Variants in ANKS1B observed in about 807,000 individuals in gnomAD.
The protein encoded by ANKS1B is ankyrin repeat and sterile alpha motif domain-containing protein 1B.
In ANKS1B, 36 loss-of-function variants were observed where a neutral mutation model predicts 148.3. The observed-to-expected ratio is 0.24, with a 90% CI of 0.19 to 0.32. The LOEUF is 0.32. Ranked by LOEUF, ANKS1B falls within the 10% of genes least tolerant of loss-of-function variation. ANKS1B has a pLI of 1.00. For synonymous variants in ANKS1B, 542 were observed against 560.8 expected, an observed-to-expected ratio of 0.97 and a Z score of 0.47; for missense variants, 1,157 against 1,542.6, an observed-to-expected ratio of 0.75 and a Z score of 4.19.
At chr12:99,631,415 G>T (rs1234098698) in intron 9 of ANKS1B, among the ~76,000 whole-genome samples, 3 of 152,124 alleles carry the variant, frequency 2.0e-5, no homozygotes, top group African/African-American at 7.2e-5. Flanking sequence ...ATTTGGAGGA[G>T]CAGGCTAGAA....
At chr12:99,371,520 T>A (rs771668928) in intron 12 of ANKS1B, among the ~76,000 whole-genome samples, 3 of 152,000 alleles carry the variant, frequency 2.0e-5, no homozygotes, top group African/African-American at 4.8e-5. Context: ...CCTCTTGGTA[T>A]GTGTCAACTT....
chr12:98,793,278 G>T (rs1366903867), intron 22 of ANKS1B, among the ~76,000 whole-genome samples: 1 of 152,108 alleles, frequency 6.6e-6, no homozygotes, highest in Non-Finnish European at 1.5e-5. Context: ...TTGGCCATTT[G>T]TAAGTCTTCT....
intron 8 of ANKS1B, among the ~76,000 whole-genome samples, chr12:99,692,668 C>CAAA (rs71088139): frequency 0.12 from 15,319 of 128,070 alleles, 1,327 homozygotes; most frequent in East Asian, 0.49. Flanking sequence ...AAGATTCTGT[C>CAAA]AAAAAAAAAA....
At chr12:99,118,718 CAAAG>C (rs2061992839) in intron 15 of ANKS1B, among the ~76,000 whole-genome samples, 1 of 152,112 alleles carries the variant, frequency 6.6e-6, no homozygotes, top group South Asian at 2.1e-4. Flanking sequence ...CACATATACA[CAAAG>C]AAAGGATAGA....
chr12:98,930,100 G>A lies in ANKS1B; in HGVS notation c.2779-97964C>T, dbSNP rs376980638. The stretch of plus-strand genomic sequence containing the variant: ...GTTATAGCTCAACAATAAAAGATAA[G>A]TGACCCAATTTTAAAATGGGCAAAA... On this transcript the variant is annotated intron_variant, in intron 17 of 26. Coordinates refer to ENST00000683438, the MANE Select transcript of ANKS1B (RefSeq NM_001352186.2). 2.6e-5 allele frequency among the ~76,000 whole-genome samples: 4 copies of A among 152,104 alleles called. No individual in the cohort carries two copies. In the East Asian group the frequency reaches 5.8e-4, roughly 22 times the overall value.
chr12:99,907,428 T>C (rs906934864), intron 1 of ANKS1B, among the ~76,000 whole-genome samples: 1 of 152,170 alleles, frequency 6.6e-6, no homozygotes, highest in South Asian at 2.1e-4. Flanking sequence ...AACATCTAAA[T>C]GCATGATCAG....
At chr12:99,540,981 A>T (rs1243208731) in intron 9 of ANKS1B, among the ~76,000 whole-genome samples, 1 of 152,088 alleles carries the variant, frequency 6.6e-6, no homozygotes, top group Non-Finnish European at 1.5e-5. Flanking sequence ...GAAATAAAAA[A>T]GTTTATAAGG....
chr12:99,531,165 A>T (rs542802828), intron 9 of ANKS1B, among the ~76,000 whole-genome samples: 2 of 152,304 alleles, frequency 1.3e-5, no homozygotes, highest in East Asian at 3.9e-4. Flanking sequence ...CCTAAAAACA[A>T]CAGTAATATT....
intron 11 of ANKS1B, among the ~76,000 whole-genome samples, chr12:99,415,714 C>T (rs1461910491): frequency 6.6e-6 from 1 of 152,056 alleles, no homozygotes; most frequent in African/African-American, 2.4e-5. Context: ...GAGGGAGTCT[C>T]GCTCTGCCGC....
chr12:99,703,296 T>A lies in ANKS1B; in HGVS notation c.1129-48086A>T, dbSNP rs111698289. Reference sequence around the variant, plus strand: ...ACTAAAGGGTTTCCTGGGATACAAATGCATTGACTCTGATACTACTGTTGA... The same window carrying A: ...ACTAAAGGGTTTCCTGGGATACAAAAGCATTGACTCTGATACTACTGTTGA... On this transcript the variant is annotated intron_variant, in intron 8 of 26. Transcript: ENST00000683438. 1.3e-3 allele frequency among the ~76,000 whole-genome samples: 197 copies of A among 152,270 alleles called. 4 individuals carry two copies. Among genetic ancestry groups the A allele is most frequent in the Middle Eastern group, 3.4e-3 (1 of 294 alleles).
Position 99,562,014 on chromosome 12 carries a change from G to A in ANKS1B, c.1273-57373C>T, listed in dbSNP as rs117137357. Among the ~76,000 whole-genome samples the A allele has an allele frequency of 9.7e-4, 147 of 152,230 alleles. 5 individuals are homozygous for A. The East Asian group carries it at 0.024, about 25-fold the overall frequency. On this transcript the variant is annotated intron_variant, in intron 9 of 26. Coordinates refer to ENST00000683438, the MANE Select transcript of ANKS1B (RefSeq NM_001352186.2). ...CAGTCTAAGTTAATCCTTGATCCAC[G>A]GGCTTGCAGAATAGATGCTGTGTTC... is the stretch of plus-strand genomic sequence containing the variant.
chr12:99,590,746 T>C (rs12317679), intron 9 of ANKS1B, among the ~76,000 whole-genome samples: 2,132 of 152,316 alleles, frequency 0.014, 58 homozygotes, highest in African/African-American at 0.048. Context: ...ACTGAATTCA[T>C]AGACTCAAAC....
intron 14 of ANKS1B, among the ~76,000 whole-genome samples, chr12:99,239,157 C>G (rs984467341): frequency 1.3e-5 from 2 of 152,090 alleles, no homozygotes; most frequent in African/African-American, 2.4e-5. Flanking sequence ...CTCAAGGAAG[C>G]TAAAAACCCT....
intron 9 of ANKS1B, among the ~76,000 whole-genome samples, chr12:99,590,498 C>T (rs1407072474): frequency 1.3e-5 from 2 of 152,176 alleles, no homozygotes; most frequent in East Asian, 1.9e-4. Flanking sequence ...CTTGCATCCA[C>T]AGCATCTACC....
At chr12:99,749,182 C>T (rs1438104492) in intron 8 of ANKS1B, among the ~76,000 whole-genome samples, 4 of 152,070 alleles carry the variant, frequency 2.6e-5, no homozygotes, top group Non-Finnish European at 2.9e-5. Context: ...GACCTGGATA[C>T]ATAATCCGGG....
At chr12:99,084,686 C>G (rs2153627802) in intron 16 of ANKS1B, among the ~76,000 whole-genome samples, 1 of 152,240 alleles carries the variant, frequency 6.6e-6, no homozygotes, top group South Asian at 2.1e-4. Flanking sequence ...CCATTGCACT[C>G]CAGACTGGGT....
Position 99,246,613 on chromosome 12 carries a change from T to C in ANKS1B, c.2008A>G (p.Ser670Gly), listed in dbSNP as rs1478812279. 1 of 1,613,594 alleles carries C rather than the reference T, an allele frequency of 6.2e-7. No homozygotes were observed. The highest frequency in any genetic ancestry group is 2.2e-5 in the East Asian group (1 of 44,870). Residue 670 changes from serine (S) to glycine (G), a missense_variant, in exon 13 of 27, where the codon AGT (serine) becomes GGT (glycine). By Grantham distance (56) the Ser-to-Gly change is moderately conservative. Transcript: ENST00000683438. ...CTTTTTTTGTGAAAAATTGTTCTAC[T>C]GACCACTTTGGGTTTAATTTTCTTT... ...LVKKIKPKVVSRTIFHKKSNQ... is the reference protein window; with the variant it reads ...LVKKIKPKVVGRTIFHKKSNQ...
intron 9 of ANKS1B, among the ~76,000 whole-genome samples, chr12:99,576,290 C>T (rs1567389832): frequency 6.6e-6 from 1 of 151,930 alleles, no homozygotes; most frequent in Non-Finnish European, 1.5e-5. Flanking sequence ...GATAACCACA[C>T]AATAATAGTG....
chr12:99,628,682 G>A (rs1222625287), intron 9 of ANKS1B, among the ~76,000 whole-genome samples: 2 of 152,114 alleles, frequency 1.3e-5, no homozygotes, highest in Non-Finnish European at 2.9e-5. Flanking sequence ...TCACAGTTCT[G>A]GAGGATGGGA....
Sources: gnomAD v4.1 joint callset for allele counts (sites outside exome capture counted in the v4.1 genomes callset) on GRCh38, gnomAD v4.1.1 for gene constraint, MANE v1.5 for transcripts, NCBI Gene and HGNC (gene_info 2026-07-23, HGNC 2026-07-21) for gene names.